PCYT2: variants seen among roughly 807,000 people sequenced by gnomAD.
PCYT2 encodes the protein ethanolamine-phosphate cytidylyltransferase.
Under a neutral mutation model 50.0 loss-of-function variants are expected in PCYT2, and 33 were observed. The ratio of observed to expected loss-of-function variants is 0.66; its 90% CI spans 0.50 to 0.88. The LOEUF is 0.88. Among genes scored for constraint, PCYT2 ranks in the 40% least tolerant of loss-of-function variants. The pLI, the probability that PCYT2 is intolerant of heterozygous loss-of-function variation, is 0.00. For synonymous variants in PCYT2, 240 were observed against 203.7 expected, an observed-to-expected ratio of 1.18 and a Z score of -1.52; for missense variants, 430 against 519.7, an observed-to-expected ratio of 0.83 and a Z score of 1.68.
rs543861032 is a variant in PCYT2, at chr17:81,908,954, C to T, written c.262G>A (p.Glu88Lys). ...ACGTAGGGAGCCGCTGGCACCACCT[C>T]GTCCACCCATTTGATGGCCTGCACC... ...KMVQAIKWVDEVVPAAPYVTT... is the reference protein window; with the variant it reads ...KMVQAIKWVDKVVPAAPYVTT... Residue 88 changes from glutamate to lysine, a missense_variant, in exon 3 of 13, where the codon GAG becomes AAG. Glu to Lys is a moderately conservative substitution (Grantham distance 56, BLOSUM62 1). This residue lies in a region of PCYT2 where 117 missense variants were observed against 163.9 expected (regional missense o/e 0.71). Coordinates refer to ENST00000538936, the MANE Select transcript of PCYT2 (RefSeq NM_002861.5). 7.1e-5 allele frequency: 115 copies of T among 1,613,996 alleles called. No individual in the cohort carries two copies. The South Asian group carries it at 1.0e-3, about 14-fold the overall frequency.
At position 81,905,139 on chromosome 17, in the gene PCYT2, C is replaced by T. The variant is rs1162701371; in HGVS notation, c.985G>A (p.Gly329Ser). The T allele has an allele frequency of 1.9e-6, 3 of 1,612,872 alleles. No homozygotes were observed. The highest frequency in any genetic ancestry group is 2.7e-5 in the African/African-American group (2 of 74,912). ...CCACTGTCAATCTGACGGAAGATGCCCCTTCTCTTGGGCTCCTGGGGGTCC... is the reference window on the plus strand; with the variant it reads ...CCACTGTCAATCTGACGGAAGATGCTCCTTCTCTTGGGCTCCTGGGGGTCC... ...SDPYQEPKRR[G>S]IFRQIDSGSN... Residue 329 changes from glycine to serine, a missense_variant, in exon 12 of 13, where the codon GGC (glycine) becomes AGC (serine). Physicochemically the swap from Gly to Ser is moderately conservative, Grantham distance 56. Coordinates refer to ENST00000538936, the MANE Select transcript of PCYT2 (RefSeq NM_002861.5).
At position 81,902,510 on chromosome 17, in the gene PCYT2, C is replaced by T. The variant is rs1216412291; in HGVS notation, c.*2323G>A. On this transcript the variant is annotated 3_prime_UTR_variant, in exon 13 of 13. Transcript: ENST00000538936. ...GCCTCCCCGGAGCTGCAACTGCACC[C>T]CAGGCTGCGGAGCCTCGTGAGTCCG... 5 of 1,441,472 alleles carry T rather than the reference C, an allele frequency of 3.5e-6. No homozygotes were observed. The highest frequency in any genetic ancestry group is 4.5e-6 in the Non-Finnish European group (5 of 1,104,148). The allele number at this position is 1,441,472 out of a possible 1,614,324, so 89.3% of individuals were successfully genotyped here. A position where few individuals can be genotyped will look rare whatever the true frequency, so the allele number is the denominator to read the frequency against.
rs1019299123 is a variant in PCYT2 at position 81,904,551 on chromosome 17, G to A, written c.*282C>T. The A allele has an allele frequency of 1.9e-5, 8 of 426,236 alleles. No individual in the cohort carries two copies. The highest frequency in any genetic ancestry group is 7.4e-5 in the South Asian group (2 of 27,124). The allele number at this position is 426,236 out of a possible 1,614,324, so 26.4% of individuals were successfully genotyped here. A position where few individuals can be genotyped will look rare whatever the true frequency, so the allele number is the denominator to read the frequency against. On this transcript the variant is annotated 3_prime_UTR_variant, in exon 13 of 13. Transcript: ENST00000538936. ...GGTGGGGGCATCCGGGGACCAGGTG[G>A]GGGCGCACGCAGGAGCGGTGCGTTT...
chr17:81,909,741 T>C, intron 1 of PCYT2, 139 bp from the exon 2 acceptor site: 1 of 668,364 alleles, frequency 1.5e-6, no homozygotes, highest in Non-Finnish European at 2.8e-6. Flanking sequence ...GCCCTGGGAC[T>C]GGGATTCGGA....
At chr17:81,907,132 G>A (rs1025616826) in intron 6 of PCYT2, 2 of 1,306,302 alleles carry the variant, frequency 1.5e-6, no homozygotes, top group South Asian at 1.4e-5. Flanking sequence ...CCAGGAGGAG[G>A]CAAGGAGCCC....
rs2040316396 is a variant in PCYT2, at chr17:81,907,127, A to G, written c.538-229T>C. On this transcript the variant is annotated intron_variant, in intron 6 of 12. Transcript: ENST00000538936. ...TTCAGCCCAGCAAGCGACCACCAGG[A>G]GGAGGCAAGGAGCCCTGTGGCAGGT... 3.2e-6 allele frequency: 4 copies of G among 1,267,130 alleles called. No homozygotes were observed. The African/African-American group carries it at 4.5e-5, about 14-fold the overall frequency. The allele number at this position is 1,267,130 out of a possible 1,614,324, so 78.5% of individuals were successfully genotyped here.
chr17:81,902,714 T>A lies in PCYT2; in HGVS notation c.*2119A>T, dbSNP rs1410687075. The A allele has an allele frequency of 6.2e-7, 1 of 1,608,554 alleles. No homozygotes were observed. Among genetic ancestry groups the A allele is most frequent in the South Asian group, 1.1e-5 (1 of 90,538 alleles). On this transcript the variant is annotated 3_prime_UTR_variant, in exon 13 of 13. Transcript: ENST00000538936. Reference sequence around the variant, plus strand: ...TACCAGTGCAAGGCGAACGTCTTCCTGTCCCTGCGCGCAGCCGACTGCCTC... The same window carrying A: ...TACCAGTGCAAGGCGAACGTCTTCCAGTCCCTGCGCGCAGCCGACTGCCTC...
chr17:81,907,858 C>T lies in PCYT2; in HGVS notation c.408-1G>A, dbSNP rs1362196311. The T allele has an allele frequency of 1.9e-6, 3 of 1,604,408 alleles. No homozygotes were observed. The highest frequency in any genetic ancestry group is 1.7e-6 in the Non-Finnish European group (2 of 1,174,344). The stretch of plus-strand genomic sequence containing the variant: ...CACCCCTTGCGTGCGCTTGCATTCT[C>T]TGGGGGACACAGTGGGAGTGGGGTC... On this transcript the variant is annotated splice_acceptor_variant, in intron 4 of 12. Transcript: ENST00000538936. LOFTEE classifies it high-confidence loss of function.
At chr17:81,910,658 T>G (rs1166945335) in intron 1 of PCYT2, among the ~76,000 whole-genome samples, 9 of 152,268 alleles carry the variant, frequency 5.9e-5, no homozygotes. Flanking sequence ...TGGGAAGGGC[T>G]AATCAGATAG....
chr17:81,910,969 G>A, intron 1 of PCYT2: 7 of 990,738 alleles, frequency 7.1e-6, no homozygotes, highest in Non-Finnish European at 8.4e-6. Context: ...GTTGCTGGTG[G>A]TTACGGAGAA....
chr17:81,904,608 T>G lies in PCYT2; in HGVS notation c.*225A>C. 5.7e-6 allele frequency: 3 copies of G among 526,692 alleles called. No individual in the cohort carries two copies. Among genetic ancestry groups the G allele is most frequent in the Non-Finnish European group, 1.0e-5 (3 of 297,050 alleles). The allele number at this position is 526,692 out of a possible 1,614,324, so 32.6% of individuals were successfully genotyped here. A position where few individuals can be genotyped will look rare whatever the true frequency, so the allele number is the denominator to read the frequency against. On this transcript the variant is annotated 3_prime_UTR_variant, in exon 13 of 13. Coordinates refer to ENST00000538936, the MANE Select transcript of PCYT2 (RefSeq NM_002861.5). ...GCAGGTGCCGTCTGCCCGTCTCACT[T>G]CCGGCCTCTCCACTGTGCTGGACAC...
chr17:81,908,701 C>G (rs146549922), intron 3 of PCYT2, 67 bp from the exon 4 acceptor site: 5 of 1,419,716 alleles, frequency 3.5e-6, no homozygotes, highest in Non-Finnish European at 5.0e-6. Flanking sequence ...GAGCCCAGGA[C>G]CCTCTCGGCC....
intron 4 of PCYT2, 129 bp from the exon 5 acceptor site, chr17:81,907,986 C>G (rs149271736): frequency 1.4e-6 from 1 of 730,386 alleles, no homozygotes; most frequent in Non-Finnish European, 2.3e-6. Flanking sequence ...GACTGAGGGT[C>G]CCCTTCCTGT....
intron 7 of PCYT2, 43 bp downstream of exon 7, chr17:81,906,717 C>T (rs1290965882): frequency 6.2e-7 from 1 of 1,606,914 alleles, no homozygotes; most frequent in Non-Finnish European, 8.5e-7. Context: ...GGGTCCCACC[C>T]CATGTGGCAC....
chr17:81,910,138 T>G (rs559085786), intron 1 of PCYT2, among the ~76,000 whole-genome samples: 1 of 152,346 alleles, frequency 6.6e-6, no homozygotes, highest in African/African-American at 2.4e-5. Context: ...CTCAGCAGGC[T>G]TAACGCTAAG....
chr17:81,905,798 A>G, intron 9 of PCYT2, 63 bp from the exon 10 acceptor site: 7 of 1,533,256 alleles, frequency 4.6e-6, no homozygotes, highest in Non-Finnish European at 6.3e-6. Context: ...CCAGGGCCAC[A>G]GGGTGGTGAG....
rs747495651 is a variant in PCYT2, at chr17:81,902,611, GC to G, written c.*2221del. 140 of 1,568,670 alleles carry G rather than the reference GC, an allele frequency of 8.9e-5. No individual in the cohort carries two copies. The highest frequency in any genetic ancestry group is 1.7e-4 in the African/African-American group (12 of 72,060). On this transcript the variant is annotated 3_prime_UTR_variant, in exon 13 of 13. Coordinates refer to ENST00000538936, the MANE Select transcript of PCYT2 (RefSeq NM_002861.5). Reference sequence around the variant, plus strand: ...GCGGCCCCTCAGCCTTTGCTTGCCTGCCCCCCAGGCTGTGTGCGTCCAGGAC... The same window carrying G: ...GCGGCCCCTCAGCCTTTGCTTGCCTGCCCCCAGGCTGTGTGCGTCCAGGAC...
Position 81,902,515 on chromosome 17 carries a change from C to T in PCYT2, c.*2318G>A, listed in dbSNP as rs533951965. The T allele has an allele frequency of 6.9e-7, 1 of 1,446,728 alleles. No individual in the cohort carries two copies. Among genetic ancestry groups the T allele is most frequent in the Admixed American group, 2.8e-5 (1 of 35,818 alleles). 89.6% of individuals were successfully genotyped at this position (1,446,728 alleles called of 1,614,324 possible). A position where few individuals can be genotyped will look rare whatever the true frequency, so the allele number is the denominator to read the frequency against. On this transcript the variant is annotated 3_prime_UTR_variant, in exon 13 of 13. Coordinates refer to ENST00000538936, the MANE Select transcript of PCYT2 (RefSeq NM_002861.5). ...CCCGGAGCTGCAACTGCACCCCAGG[C>T]TGCGGAGCCTCGTGAGTCCGGCGTG...
Position 81,906,110 on chromosome 17 carries a change from A to G in PCYT2, c.827T>C (p.Leu276Pro). ...CTGGCCCCCACTCACCCGGCAGGCCAGCACGCTCAGAGTCCGTTCATGCAG... is the reference window on the plus strand; with the variant it reads ...CTGGCCCCCACTCACCCGGCAGGCCGGCACGCTCAGAGTCCGTTCATGCAG... ...MNLHERTLSV[L>P]ACRYVSEVVI... The change falls in exon 9 of 13, where the codon CTG becomes CCG. Residue 276 changes from leucine (L) to proline (P), a missense_variant. By Grantham distance (98) the Leu-to-Pro change is moderately conservative. Transcript: ENST00000538936. 1 of 1,612,030 alleles carries G rather than the reference A, an allele frequency of 6.2e-7. No individual in the cohort carries two copies. The highest frequency in any genetic ancestry group is 1.1e-5 in the South Asian group (1 of 90,820).
Sources: gnomAD v4.1 joint callset for allele counts (sites outside exome capture counted in the v4.1 genomes callset) on GRCh38, gnomAD v4.1.1 for gene constraint, gnomAD v4.1.1 regional missense constraint, MANE v1.5 for transcripts, NCBI Gene and HGNC (gene_info 2026-07-23, HGNC 2026-07-21) for gene names.